CIBAR1: variants seen among roughly 807,000 people sequenced by gnomAD.
The protein encoded by CIBAR1 is CBY1-interacting BAR domain-containing protein 1.
In CIBAR1, 25 loss-of-function variants were observed where a neutral mutation model predicts 44.0. The observed-to-expected ratio is 0.57, with a 90% CI of 0.41 to 0.79. The LOEUF (loss-of-function observed/expected upper bound fraction) is 0.79, where lower values mean the gene tolerates loss of function less well. CIBAR1 is among the 30% of genes least tolerant of loss of function. The pLI is 0.00. For synonymous variants in CIBAR1, 115 were observed against 119.0 expected, an observed-to-expected ratio of 0.97 and a Z score of 0.22; for missense variants, 278 against 344.8, an observed-to-expected ratio of 0.81 and a Z score of 1.53.
At chr8:93,724,483 C>A in intron 7 of CIBAR1, 2 of 572,298 alleles carry the variant, frequency 3.5e-6, no homozygotes, top group Non-Finnish European at 6.0e-6. Flanking sequence ...TCCCACTATG[C>A]CTGGCTAATT....
chr8:93,725,152 GTTTT>G (rs914232485), intron 7 of CIBAR1, among the ~76,000 whole-genome samples: 13 of 151,844 alleles, frequency 8.6e-5, no homozygotes, highest in Admixed American at 5.2e-4. Flanking sequence ...CTGGCTGATT[GTTTT>G]TTTGTTTGGA....
chr8:93,721,570 C>T (rs1401642358), intron 7 of CIBAR1, among the ~76,000 whole-genome samples: 1 of 152,096 alleles, frequency 6.6e-6, no homozygotes, highest in East Asian at 1.9e-4. Context: ...TGAAGTAATA[C>T]TGAGCAAGTT....
In CIBAR1 at chr8:93,701,317, A is replaced by G. The variant is rs1296847191; in HGVS notation, c.120A>G (p.Lys40=). The change falls in exon 2 of 9, where the codon AAA becomes AAG. Residue 40 remains lysine, a synonymous_variant. Transcript: ENST00000518322. The stretch of plus-strand genomic sequence containing the variant: ...AAATCTTCGCTGCCTATGTGCGGAA[A>G]ACTGCCAGGCTGAGAGACAAAGCAG... The part of the protein sequence containing the change: ...LCQIFAAYVR[K]TARLRDKADL... The G allele has an allele frequency of 3.7e-6, 6 of 1,613,724 alleles. No individual in the cohort carries two copies. The highest frequency in any genetic ancestry group is 5.1e-6 in the Non-Finnish European group (6 of 1,179,844).
In CIBAR1 at chr8:93,713,783, G is replaced by C. The variant is rs1023263728; in HGVS notation, c.543+3908G>C. 2.0e-5 allele frequency among the ~76,000 whole-genome samples: 3 copies of C among 152,192 alleles called. No homozygotes were observed. In the East Asian group the frequency reaches 5.8e-4, roughly 29 times the overall value. ...GTCTTGGCATCTTTGTTGAAAATCA[G>C]TTGATGTGGTTTTACTTCTGGGCTC... On this transcript the variant is annotated intron_variant, in intron 6 of 8. Coordinates refer to ENST00000518322, the MANE Select transcript of CIBAR1 (RefSeq NM_145269.5).
chr8:93,705,936 C>T (rs7008690), intron 4 of CIBAR1: 38,600 of 150,576 alleles, frequency 0.26, 5,125 homozygotes, highest in South Asian at 0.34. Context: ...GAAAACAAAG[C>T]GAGACTATCT....
intron 1 of CIBAR1, chr8:93,700,879 A>G (rs1354094850): frequency 8.4e-6 from 11 of 1,307,472 alleles, no homozygotes; most frequent in African/African-American, 1.6e-5. Context: ...GCCGGCTGCC[A>G]CCCACCCACG....
At chr8:93,708,771 G>A (rs1223326072) in intron 5 of CIBAR1, among the ~76,000 whole-genome samples, 1 of 152,166 alleles carries the variant, frequency 6.6e-6, no homozygotes, top group African/African-American at 2.4e-5. Flanking sequence ...TGCATTTGGA[G>A]AACAAGTAGA....
chr8:93,706,197 G>A (rs961115912), intron 4 of CIBAR1: 5 of 152,286 alleles, frequency 3.3e-5, no homozygotes, highest in Middle Eastern at 3.4e-3. Flanking sequence ...TGGACCAAAG[G>A]TACAGAAGCC....
At position 93,701,240 on chromosome 8, in the gene CIBAR1, C is replaced by G; in HGVS notation, c.43C>G (p.Gln15Glu). 1.9e-6 allele frequency: 3 copies of G among 1,613,252 alleles called. No individual in the cohort carries two copies. Among genetic ancestry groups the G allele is most frequent in the Non-Finnish European group, 1.7e-6 (2 of 1,179,580 alleles). The part of the protein sequence containing the change: ...TLENRNAQTK[Q>E]LQTAVSNVEK... ...TTTCCCTAGGAACGCTCAAACGAAA[C>G]AACTGCAAACAGCTGTCTCAAATGT... is the stretch of plus-strand genomic sequence containing the variant. The change falls in exon 2 of 9, where the codon CAA (glutamine) becomes GAA (glutamate). Residue 15 changes from glutamine (Q) to glutamate (E), a missense_variant. This residue lies in a region of CIBAR1 where 183 missense variants were observed against 218.6 expected (regional missense o/e 0.84). Transcript: ENST00000518322.
At chr8:93,713,511 A>C (rs929253482) in intron 6 of CIBAR1, among the ~76,000 whole-genome samples, 4 of 152,162 alleles carry the variant, frequency 2.6e-5, no homozygotes, top group African/African-American at 9.7e-5. Flanking sequence ...AATCCAATTT[A>C]TCTCTCTTTT....
chr8:93,724,625 T>A, intron 7 of CIBAR1: 1 of 1,225,380 alleles, frequency 8.2e-7, no homozygotes, highest in Non-Finnish European at 1.0e-6. Context: ...TGCCCAGGCT[T>A]ATAGTTTGGT....
intron 4 of CIBAR1, among the ~76,000 whole-genome samples, chr8:93,707,638 T>C (rs1300371039): frequency 6.6e-6 from 1 of 152,210 alleles, no homozygotes; most frequent in Admixed American, 6.5e-5. Context: ...AAAGGAGCTC[T>C]ATTTTATCTT....
intron 3 of CIBAR1, 104 bp downstream of exon 3, chr8:93,703,792 T>C: frequency 1.1e-6 from 1 of 924,854 alleles, no homozygotes; most frequent in Non-Finnish European, 1.6e-6. Flanking sequence ...TGGCCAAGAG[T>C]GGTGGCTCAT....
At chr8:93,703,019 A>G (rs1810424967) in intron 2 of CIBAR1, among the ~76,000 whole-genome samples, 1 of 152,228 alleles carries the variant, frequency 6.6e-6, no homozygotes, top group Admixed American at 6.5e-5. Flanking sequence ...AAAAACCTGT[A>G]ACGTTTAAGA....
At chr8:93,720,514 A>T (rs1321265646) in intron 7 of CIBAR1, among the ~76,000 whole-genome samples, 1 of 152,182 alleles carries the variant, frequency 6.6e-6, no homozygotes, top group Non-Finnish European at 1.5e-5. Flanking sequence ...CCCAAGTGTT[A>T]ATTCCAAACA....
intron 3 of CIBAR1, 123 bp downstream of exon 3, chr8:93,703,811 TC>T: frequency 2.7e-6 from 2 of 736,724 alleles, no homozygotes; most frequent in Non-Finnish European, 2.1e-6. Flanking sequence ...ATGCCTGTAA[TC>T]CCAACACTTT....
intron 2 of CIBAR1, among the ~76,000 whole-genome samples, chr8:93,702,915 T>A (rs891744759): frequency 6.6e-6 from 1 of 152,208 alleles, no homozygotes; most frequent in Non-Finnish European, 1.5e-5. Context: ...ATTTTTCTTA[T>A]GCTATATTTA....
chr8:93,719,566 G>A (rs928164601), intron 7 of CIBAR1: 2 of 152,124 alleles, frequency 1.3e-5, no homozygotes, highest in African/African-American at 2.4e-5. Context: ...ACTTATTTGT[G>A]GCCACTTAGC....
intron 6 of CIBAR1, among the ~76,000 whole-genome samples, chr8:93,711,612 A>G: frequency 6.6e-6 from 1 of 152,224 alleles, no homozygotes; most frequent in East Asian, 1.9e-4. Flanking sequence ...TGAGCAAGGA[A>G]GGAGAATTAT....
Sources: gnomAD v4.1 joint callset for allele counts (sites outside exome capture counted in the v4.1 genomes callset) on GRCh38, gnomAD v4.1.1 for gene constraint, gnomAD v4.1.1 regional missense constraint, MANE v1.5 for transcripts, NCBI Gene and HGNC (gene_info 2026-07-23, HGNC 2026-07-21) for gene names.